TLCD4: variants seen among roughly 807,000 people sequenced by gnomAD.
TLCD4 encodes the protein TLC domain containing 4.
Under a neutral mutation model 24.2 loss-of-function variants are expected in TLCD4, and 7 were observed. The ratio of observed to expected loss-of-function variants is 0.29; its 90% CI spans 0.16 to 0.54. The LOEUF is 0.54. TLCD4 is among the 20% of genes least tolerant of loss of function. The pLI is 0.95. For missense variants in TLCD4, 259 were observed against 313.9 expected, an observed-to-expected ratio of 0.82 and a Z score of 1.32; for synonymous variants, 103 against 106.4, an observed-to-expected ratio of 0.97 and a Z score of 0.20.
chr1:95,098,805 C>T, the TLCD4 span, among the ~76,000 whole-genome samples: 1 of 152,130 alleles, frequency 6.6e-6, no homozygotes, highest in African/African-American at 2.4e-5. Context: ...TGGCTCACAC[C>T]TGTAATCCCA....
chr1:95,132,236 C>T (rs1396901780), intron 1 of TLCD4, among the ~76,000 whole-genome samples: 4 of 152,120 alleles, frequency 2.6e-5, no homozygotes, highest in African/African-American at 9.7e-5. Flanking sequence ...GGGTGGATCA[C>T]TAGAGGCCAG....
intron 1 of TLCD4, among the ~76,000 whole-genome samples, chr1:95,133,860 G>T (rs1196547478): frequency 6.6e-6 from 1 of 151,944 alleles, no homozygotes; most frequent in Non-Finnish European, 1.5e-5. Context: ...AAATAGTTGG[G>T]CATATCCAGG....
chr1:95,160,290 T>C (rs1677750855), intron 5 of TLCD4, among the ~76,000 whole-genome samples: 1 of 152,198 alleles, frequency 6.6e-6, no homozygotes, highest in Non-Finnish European at 1.5e-5. Flanking sequence ...AGTTCACTCA[T>C]GATTTGGTTC....
chr1:95,147,066 A>G (rs929185391), intron 2 of TLCD4, among the ~76,000 whole-genome samples: 1 of 151,418 alleles, frequency 6.6e-6, no homozygotes, highest in African/African-American at 2.4e-5. Flanking sequence ...ATTTTATATC[A>G]AGGAATTTAA....
intron 1 of TLCD4, among the ~76,000 whole-genome samples, chr1:95,137,051 G>A (rs1677061697): frequency 6.6e-6 from 1 of 152,126 alleles, no homozygotes; most frequent in Admixed American, 6.6e-5. Flanking sequence ...AGTGTTGGAG[G>A]TGCAGGGCGC....
intron 2 of TLCD4, among the ~76,000 whole-genome samples, chr1:95,144,912 A>G (rs1196417081): frequency 6.6e-6 from 1 of 152,072 alleles, no homozygotes; most frequent in Non-Finnish European, 1.5e-5. Context: ...GCTGGTCTTG[A>G]ACTCCTGACC....
chr1:95,136,884 G>A (rs1325945355), intron 1 of TLCD4, among the ~76,000 whole-genome samples: 12 of 152,232 alleles, frequency 7.9e-5, no homozygotes, highest in African/African-American at 9.6e-5. Flanking sequence ...TTGAGGTATG[G>A]CACCACAGAG....
chr1:95,152,059 T>C (rs1677508604), intron 5 of TLCD4, among the ~76,000 whole-genome samples: 3 of 152,266 alleles, frequency 2.0e-5, no homozygotes, highest in Admixed American at 1.3e-4. Flanking sequence ...AAGGTAGATA[T>C]TGCAACTGCA....
At chr1:95,177,087 G>T (rs1229774647) in intron 6 of TLCD4, among the ~76,000 whole-genome samples, 1 of 152,044 alleles carries the variant, frequency 6.6e-6, no homozygotes, top group Non-Finnish European at 1.5e-5. Flanking sequence ...TTCACTAAAA[G>T]CTGCATCCTG....
At chr1:95,102,090 G>A in the TLCD4 span, among the ~76,000 whole-genome samples, 1 of 152,228 alleles carries the variant, frequency 6.6e-6, no homozygotes, top group African/African-American at 2.4e-5. Context: ...GAATTCTGAA[G>A]AGGCATGAAG....
chr1:95,162,671 T>G (rs1025364555), intron 5 of TLCD4, among the ~76,000 whole-genome samples: 2 of 132,534 alleles, frequency 1.5e-5, no homozygotes, highest in Non-Finnish European at 1.8e-5. Flanking sequence ...AGTGCTTCCT[T>G]CAGGAGCTCT....
intron 5 of TLCD4, among the ~76,000 whole-genome samples, chr1:95,167,445 A>G (rs1168834793): frequency 2.0e-5 from 3 of 152,106 alleles, no homozygotes; most frequent in Non-Finnish European, 2.9e-5. Flanking sequence ...CTGTTGGGAA[A>G]TGCTGAGTGT....
chr1:95,168,419 C>T (rs1229175816), intron 5 of TLCD4, among the ~76,000 whole-genome samples: 2 of 152,070 alleles, frequency 1.3e-5, no homozygotes, highest in African/African-American at 2.4e-5. Context: ...CTAAATGTAT[C>T]AGTGTTTGGA....
At chr1:95,102,505 A>G in the TLCD4 span, among the ~76,000 whole-genome samples, 1 of 152,200 alleles carries the variant, frequency 6.6e-6, no homozygotes, top group Non-Finnish European at 1.5e-5. Flanking sequence ...AAAGAAGAGT[A>G]TGGAAAGGAG....
the TLCD4 span, among the ~76,000 whole-genome samples, chr1:95,095,557 C>T: frequency 6.6e-6 from 1 of 152,040 alleles, no homozygotes; most frequent in South Asian, 2.1e-4. Context: ...GCCACCAAGC[C>T]CAGCTAATCT....
rs1028839786 is a variant in TLCD4, at chr1:95,194,139, G to T, written c.*2271G>T. 5 of 151,862 alleles carry T rather than the reference G, an allele frequency of 3.3e-5. No individual in the cohort carries two copies. Among genetic ancestry groups the T allele is most frequent in the African/African-American group, 1.2e-4 (5 of 41,336 alleles). The allele number at this position is 151,862 out of a possible 1,614,324, so 9.4% of individuals were successfully genotyped here. A position where few individuals can be genotyped will look rare whatever the true frequency, so the allele number is the denominator to read the frequency against. ...CTTTCATTAATGTTACCCTTCACTG[G>T]TATAGCCACTCACTAAATAAGTATA... On this transcript the variant is annotated 3_prime_UTR_variant, in exon 7 of 7. Transcript: ENST00000370203.
upstream of TLCD4, among the ~76,000 whole-genome samples, chr1:95,115,733 A>G (rs957459468): frequency 6.6e-6 from 1 of 152,178 alleles, no homozygotes; most frequent in Non-Finnish European, 1.5e-5. Flanking sequence ...GGTGTTAGAG[A>G]ATTATGCATA....
chr1:95,156,819 G>A (rs1253001252), intron 5 of TLCD4, among the ~76,000 whole-genome samples: 1 of 152,134 alleles, frequency 6.6e-6, no homozygotes, highest in Non-Finnish European at 1.5e-5. Context: ...AAGCAGTTTG[G>A]AGAGATACTG....
intron 1 of TLCD4, among the ~76,000 whole-genome samples, chr1:95,126,795 A>G (rs1676748860): frequency 1.3e-5 from 2 of 152,120 alleles, no homozygotes; most frequent in African/African-American, 4.8e-5. Context: ...CAATTTTCCA[A>G]GATAGTGTTT....
Sources: gnomAD v4.1 joint callset for allele counts (sites outside exome capture counted in the v4.1 genomes callset) on GRCh38, gnomAD v4.1.1 for gene constraint, MANE v1.5 for transcripts, NCBI Gene and HGNC (gene_info 2026-07-23, HGNC 2026-07-21) for gene names.